The following SOCS7 variants were observed in gnomAD, a reference collection of about 807,000 sequenced individuals.
The protein encoded by SOCS7 is NAP-4.
Under a neutral mutation model 58.9 loss-of-function variants are expected in SOCS7, and 18 were observed. The observed-to-expected ratio is 0.31, with a 90% CI of 0.21 to 0.45. The LOEUF is 0.45. SOCS7 is among the 20% of genes least tolerant of loss of function. The probability of loss-of-function intolerance (pLI) is 1.00; values close to 1 mark genes in which losing one functional copy is unlikely to be tolerated. For synonymous variants in SOCS7, 388 were observed against 364.3 expected (o/e 1.06, Z -0.74); for missense variants, 667 against 837.3 (o/e 0.80, Z 2.51).
chr17:38,398,791 G>A (rs908934943), intron 9 of SOCS7, among the ~76,000 whole-genome samples: 2 of 152,154 alleles, frequency 1.3e-5, no homozygotes, highest in East Asian at 3.8e-4. Flanking sequence ...GACAGAAGCT[G>A]CAGAAATACA....
At chr17:38,377,128 G>T (rs574582965) in intron 6 of SOCS7, among the ~76,000 whole-genome samples, 6 of 152,300 alleles carry the variant, frequency 3.9e-5, no homozygotes, top group African/African-American at 1.4e-4. Flanking sequence ...AGTAATGCAT[G>T]ACTGTACCTA....
intron 7 of SOCS7, among the ~76,000 whole-genome samples, chr17:38,381,456 C>T (rs1426135141): frequency 2.0e-5 from 3 of 152,160 alleles, no homozygotes; most frequent in Non-Finnish European, 4.4e-5. Context: ...TGTGTTCAGA[C>T]TTTGGAATGA....
At chr17:38,355,025 G>GCTT (rs1231432363) in intron 1 of SOCS7, among the ~76,000 whole-genome samples, 1 of 152,246 alleles carries the variant, frequency 6.6e-6, no homozygotes, top group Non-Finnish European at 1.5e-5. Context: ...TTGCAAAGAA[G>GCTT]CTTAGTTCAG....
intron 7 of SOCS7, among the ~76,000 whole-genome samples, chr17:38,387,683 T>C (rs1199087652): frequency 2.2e-5 from 3 of 136,926 alleles, no homozygotes; most frequent in East Asian, 2.0e-4. Flanking sequence ...ATATTTTATA[T>C]ATTTATATAT....
At chr17:38,384,565 A>G (rs545332977) in intron 7 of SOCS7, among the ~76,000 whole-genome samples, 3 of 151,852 alleles carry the variant, frequency 2.0e-5, no homozygotes, top group African/African-American at 7.3e-5. Flanking sequence ...AAGTGTTGAG[A>G]TTACAGGTGT....
chr17:38,396,548 G>A (rs2038247722), intron 9 of SOCS7, among the ~76,000 whole-genome samples: 1 of 152,194 alleles, frequency 6.6e-6, no homozygotes, highest in South Asian at 2.1e-4. Flanking sequence ...CGTTCCATTT[G>A]GGCCATTACA....
chr17:38,394,333 T>C (rs1052643591), intron 7 of SOCS7, among the ~76,000 whole-genome samples: 2 of 152,356 alleles, frequency 1.3e-5, no homozygotes, highest in East Asian at 3.9e-4. Flanking sequence ...TCATCTTTTT[T>C]TGGTCTCCTG....
chr17:38,390,618 TTA>T (rs1212840298), intron 7 of SOCS7, among the ~76,000 whole-genome samples: 1 of 152,056 alleles, frequency 6.6e-6, no homozygotes, highest in Non-Finnish European at 1.5e-5. Flanking sequence ...GAACAATGTT[TTA>T]TATTTTTTCT....
Position 38,403,066 on chromosome 17 carries a change from T to G in SOCS7, c.*3584T>G, listed in dbSNP as rs2038343217. The G allele has an allele frequency of 2.6e-5, 4 of 152,168 alleles. No individual in the cohort carries two copies. Among genetic ancestry groups the G allele is most frequent in the Admixed American group, 1.3e-4 (2 of 15,278 alleles). 9.4% of individuals were successfully genotyped at this position (152,168 alleles called of 1,614,324 possible). ...TCTTTGGGACCATTGGTGCTGACCT[T>G]TGCCTGGTCACCTGCCTGTGCCTAG... On this transcript the variant is annotated 3_prime_UTR_variant, in exon 10 of 10. Coordinates refer to ENST00000612932, the MANE Select transcript of SOCS7 (RefSeq NM_014598.4).
At chr17:38,398,812 G>T (rs1186515499) in intron 9 of SOCS7, among the ~76,000 whole-genome samples, 1 of 152,178 alleles carries the variant, frequency 6.6e-6, no homozygotes, top group Non-Finnish European at 1.5e-5. Context: ...GAGCTCTCTG[G>T]CCAGGTGTGA....
chr17:38,383,639 C>T (rs1292820394), intron 7 of SOCS7, among the ~76,000 whole-genome samples: 2 of 152,112 alleles, frequency 1.3e-5, no homozygotes, highest in Admixed American at 1.3e-4. Flanking sequence ...CTCATCGCAA[C>T]CTCTGCCTCC....
chr17:38,395,721 C>A, intron 8 of SOCS7, 127 bp from the exon 9 acceptor site: 1 of 1,018,318 alleles, frequency 9.8e-7, no homozygotes, highest in African/African-American at 1.6e-5. Flanking sequence ...ACTATAATAA[C>A]TGAGAAAATG....
chr17:38,389,863 G>GTATATATATATATA (rs1261982144), intron 7 of SOCS7, among the ~76,000 whole-genome samples: 3 of 22,322 alleles, frequency 1.3e-4, no homozygotes, highest in African/African-American at 1.6e-4. Context: ...GTGTGTATGT[G>GTATATATATATATA]TGTACATATA....
chr17:38,358,133 C>T (rs587698408), intron 1 of SOCS7, among the ~76,000 whole-genome samples: 4 of 152,314 alleles, frequency 2.6e-5, no homozygotes, highest in Middle Eastern at 3.4e-3. Context: ...AAGCACAGCC[C>T]ACCAAATGCT....
rs969182582 is a variant in SOCS7, at chr17:38,405,248, G to A, written c.*5766G>A. The A allele has an allele frequency of 2.6e-5, 4 of 152,152 alleles. No homozygotes were observed. Among genetic ancestry groups the A allele is most frequent in the Non-Finnish European group, 5.9e-5 (4 of 68,030 alleles). 9.4% of individuals were successfully genotyped at this position (152,152 alleles called of 1,614,324 possible). On this transcript the variant is annotated 3_prime_UTR_variant, in exon 10 of 10. Transcript: ENST00000612932. ...GGGGTCTGAGGGTGGGATGGGGAAA[G>A]GGAAAGAGGTTTTGATATAAACAAA...
intron 2 of SOCS7, among the ~76,000 whole-genome samples, chr17:38,362,830 C>T (rs897609021): frequency 6.6e-6 from 1 of 152,144 alleles, no homozygotes; most frequent in African/African-American, 2.4e-5. Context: ...ATGGCTTGGT[C>T]ACGGTCACGG....
intron 2 of SOCS7, among the ~76,000 whole-genome samples, chr17:38,362,561 T>C (rs1325086502): frequency 6.6e-6 from 1 of 152,168 alleles, no homozygotes; most frequent in Non-Finnish European, 1.5e-5. Flanking sequence ...CCTTTGGATA[T>C]CATGTCCCTC....
At chr17:38,388,533 A>AT (rs1443291360) in intron 7 of SOCS7, among the ~76,000 whole-genome samples, 1 of 152,088 alleles carries the variant, frequency 6.6e-6, no homozygotes. Context: ...AGAAAAAAAA[A>AT]TACTGTGCAA....
rs778693667 is a variant in SOCS7 at position 38,364,852 on chromosome 17, C to T, written c.1146C>T (p.Leu382=). ...PPPPPRRSLS[L]LDDISGTLPT... is the part of the protein sequence containing the mutation. ...CTCCTCCGAGAAGAAGCCTCAGCCT[C>T]CTAGGTATAGTTTCTTCCCCTCTCC... Residue 382 remains leucine, a synonymous_variant, in exon 3 of 10, where the codon CTC becomes CTT. Transcript: ENST00000612932. 1.9e-6 allele frequency: 3 copies of T among 1,612,008 alleles called. No homozygotes were observed. The highest frequency in any genetic ancestry group is 1.1e-5 in the South Asian group (1 of 90,992).
Sources: allele counts gnomAD v4.1 joint callset (sites outside exome capture counted in the v4.1 genomes callset), GRCh38; gene constraint gnomAD v4.1.1; transcripts MANE v1.5; gene names NCBI Gene and HGNC (gene_info 2026-07-23, HGNC 2026-07-21).